Variants in SRGAP1 observed in about 807,000 individuals in gnomAD.
The protein encoded by SRGAP1 is SLIT-ROBO Rho GTPase activating protein 1, also known as SLIT-ROBO Rho GTPase-activating protein 1.
In SRGAP1, 43 loss-of-function variants were observed where a neutral mutation model predicts 121.9. That is an observed-to-expected ratio of 0.35 (90% CI 0.28 to 0.46). The LOEUF (loss-of-function observed/expected upper bound fraction) is 0.46. Among genes scored for constraint, SRGAP1 ranks in the 20% least tolerant of loss-of-function variants. The pLI is 1.00. For synonymous variants in SRGAP1, 447 were observed against 485.4 expected, an observed-to-expected ratio of 0.92 and a Z score of 1.04; for missense variants, 1,102 against 1,350.9, an observed-to-expected ratio of 0.82 and a Z score of 2.89.
rs2037158482 is a variant in SRGAP1 at position 64,155,646 on chromosome 12, C to T, written c.*12974C>T. 6.6e-6 allele frequency: 1 copy of T among 151,056 alleles called. No individual in the cohort carries two copies. The highest frequency in any genetic ancestry group is 1.5e-5 in the Non-Finnish European group (1 of 67,820). The allele number at this position is 151,056 out of a possible 1,614,324, so 9.4% of individuals were successfully genotyped here. ...GCTTTGTTTTTTTTGAGACGTAGTC[C>T]CGCTCCGTCTCCCAGGCTGGAGTGC... On this transcript the variant is annotated 3_prime_UTR_variant, in exon 22 of 22. Coordinates refer to ENST00000355086, the MANE Select transcript of SRGAP1 (RefSeq NM_020762.4).
chr12:64,013,073 A>G (rs1427498851), intron 3 of SRGAP1, among the ~76,000 whole-genome samples: 2 of 152,160 alleles, frequency 1.3e-5, no homozygotes, highest in African/African-American at 2.4e-5. Context: ...TTAACAACCC[A>G]GATATTTTCT....
intron 1 of SRGAP1, among the ~76,000 whole-genome samples, chr12:63,915,095 G>A (rs2030717363): frequency 6.6e-6 from 1 of 152,146 alleles, no homozygotes; most frequent in Non-Finnish European, 1.5e-5. Flanking sequence ...TGTGAATAAT[G>A]AAAGTAGAGT....
rs750241777 is a variant in SRGAP1 at position 64,108,956 on chromosome 12, C to A, written c.1838C>A (p.Ala613Glu). Residue 613 changes from alanine (A) to glutamate (E), a missense_variant, in exon 16 of 22, where the codon GCG becomes GAG. By Grantham distance (107) the Ala-to-Glu change is moderately radical. Around this residue, in one of 3 missense-constraint regions of SRGAP1, gnomAD observed 747 missense variants for 929.4 expected, o/e 0.80. Transcript: ENST00000355086. The part of the protein sequence containing the change: ...CIRIDNLYER[A>E]LHIRKLLLTL... ...GGAATAGATAATCTCTATGAGAGGGCGCTTCACATCCGCAAACTCCTCCTG... is the reference window on the plus strand; with the variant it reads ...GGAATAGATAATCTCTATGAGAGGGAGCTTCACATCCGCAAACTCCTCCTG... 6.9e-6 allele frequency: 11 copies of A among 1,602,808 alleles called. No homozygotes were observed. In the East Asian group the frequency reaches 2.5e-4, roughly 36 times the overall value.
At chr12:63,883,462 A>G (rs952915572) in intron 1 of SRGAP1, among the ~76,000 whole-genome samples, 1 of 152,200 alleles carries the variant, frequency 6.6e-6, no homozygotes, top group African/African-American at 2.4e-5. Context: ...TCTTGTTGTT[A>G]TGACCAAACG....
rs1555178043 is a variant in SRGAP1 at position 64,144,233 on chromosome 12, T to TTTTTTGTTGTTGTTGTTGTTGTTG, written c.*1563_*1564insTTTGTTGTTGTTGTTGTTGTTGTT. The TTTTTTGTTGTTGTTGTTGTTGTTG allele has an allele frequency of 1.3e-5, 2 of 151,270 alleles. No individual in the cohort carries two copies. The highest frequency in any genetic ancestry group is 2.4e-5 in the African/African-American group (1 of 41,082). 9.4% of individuals were successfully genotyped at this position (151,270 alleles called of 1,614,324 possible). A position where few individuals can be genotyped will look rare whatever the true frequency, so the allele number is the denominator to read the frequency against. ...ATCATTGAAGTTACTGATAAAGATTTTTGTTGTTGTTGTTGTTGTTGGGAG... is the reference window on the plus strand; with the variant it reads ...ATCATTGAAGTTACTGATAAAGATTTTTTTTGTTGTTGTTGTTGTTGTTGTTGTTGTTGTTGTTGTTGTTGGGAG... On this transcript the variant is annotated 3_prime_UTR_variant, in exon 22 of 22. Transcript: ENST00000355086.
chr12:64,133,863 T>A (rs929835984), intron 21 of SRGAP1, among the ~76,000 whole-genome samples: 1 of 152,058 alleles, frequency 6.6e-6, no homozygotes, highest in Admixed American at 6.5e-5. Flanking sequence ...AGGAACAACG[T>A]GATTAATTAG....
chr12:64,074,191 T>C (rs1375216161), intron 8 of SRGAP1, among the ~76,000 whole-genome samples: 1 of 152,202 alleles, frequency 6.6e-6, no homozygotes, highest in Non-Finnish European at 1.5e-5. Context: ...TCATTCCCAC[T>C]CTTACTTCGT....
At chr12:64,000,275 T>TGTGA (rs1555163998) in intron 3 of SRGAP1, among the ~76,000 whole-genome samples, 2 of 133,378 alleles carry the variant, frequency 1.5e-5, no homozygotes, top group Non-Finnish European at 3.2e-5. Flanking sequence ...TGTGTGTGTG[T>TGTGA]AAAAAAAAAA....
At chr12:64,027,652 T>G (rs2034683081) in intron 4 of SRGAP1, among the ~76,000 whole-genome samples, 1 of 152,018 alleles carries the variant, frequency 6.6e-6, no homozygotes, top group Non-Finnish European at 1.5e-5. Flanking sequence ...TAAAACGAGA[T>G]TGCAAAGAAC....
At chr12:64,096,125 G>GT (rs2036150874) in intron 14 of SRGAP1, among the ~76,000 whole-genome samples, 1 of 152,204 alleles carries the variant, frequency 6.6e-6, no homozygotes, top group African/African-American at 2.4e-5. Context: ...ATATGGTAAA[G>GT]TATCAGGTTC....
intron 4 of SRGAP1, among the ~76,000 whole-genome samples, chr12:64,018,531 CTAAT>C (rs1006628452): frequency 3.3e-5 from 5 of 152,134 alleles, no homozygotes; most frequent in Admixed American, 2.0e-4. Flanking sequence ...TTGATACTTA[CTAAT>C]TAAACTTGTA....
intron 1 of SRGAP1, among the ~76,000 whole-genome samples, chr12:63,847,702 C>T (rs1364147669): frequency 6.6e-6 from 1 of 151,972 alleles, no homozygotes; most frequent in Non-Finnish European, 1.5e-5. Context: ...GCTGAAATTG[C>T]GCCACTGCAC....
chr12:64,123,865 G>A (rs1442864942), intron 18 of SRGAP1, among the ~76,000 whole-genome samples: 1 of 151,944 alleles, frequency 6.6e-6, no homozygotes, highest in Non-Finnish European at 1.5e-5. Context: ...ACTTTGTTGG[G>A]AAGCCTACTG....
chr12:64,032,999 AAT>A (rs1359586710), intron 4 of SRGAP1, among the ~76,000 whole-genome samples: 1 of 152,096 alleles, frequency 6.6e-6, no homozygotes. Context: ...TACAAATAAA[AAT>A]ATTTTTTAAA....
intron 6 of SRGAP1, among the ~76,000 whole-genome samples, chr12:64,053,271 C>G (rs1422376175): frequency 6.6e-6 from 1 of 152,210 alleles, no homozygotes; most frequent in African/African-American, 2.4e-5. Context: ...CTACTCAACT[C>G]TAGTGCAAAA....
intron 3 of SRGAP1, among the ~76,000 whole-genome samples, chr12:64,014,998 A>G (rs907881338): frequency 1.3e-5 from 2 of 152,010 alleles, no homozygotes; most frequent in Admixed American, 6.5e-5. Flanking sequence ...TGTATGTTCA[A>G]TAGAGATGGG....
At chr12:64,137,213 G>A (rs2036869753) in intron 21 of SRGAP1, among the ~76,000 whole-genome samples, 1 of 151,558 alleles carries the variant, frequency 6.6e-6, no homozygotes, top group Non-Finnish European at 1.5e-5. Flanking sequence ...GCAGTGAGCC[G>A]AGATCACAGT....
intron 21 of SRGAP1, among the ~76,000 whole-genome samples, chr12:64,136,199 G>A (rs1277821235): frequency 1.3e-5 from 2 of 152,082 alleles, no homozygotes; most frequent in Admixed American, 1.3e-4. Flanking sequence ...CAATCAAGTT[G>A]ACACTCAGTA....
chr12:63,991,548 AGAGT>A (rs1259608257), intron 3 of SRGAP1, among the ~76,000 whole-genome samples: 2 of 152,242 alleles, frequency 1.3e-5, no homozygotes, highest in African/African-American at 4.8e-5. Flanking sequence ...CTTAAATAGT[AGAGT>A]TTTAAAAAAA....
Sources: allele counts gnomAD v4.1 joint callset (sites outside exome capture counted in the v4.1 genomes callset), GRCh38; gene constraint gnomAD v4.1.1; regional missense constraint gnomAD v4.1.1; transcripts MANE v1.5; gene names NCBI Gene and HGNC (gene_info 2026-07-23, HGNC 2026-07-21).